The following ELF2 variants were observed in gnomAD, a reference collection of about 807,000 sequenced individuals.
The protein encoded by ELF2 is ETS-related transcription factor Elf-2.
ELF2 carries 11 observed loss-of-function variants against 54.8 expected under a neutral mutation model. That is an observed-to-expected ratio of 0.20 (90% confidence interval 0.13 to 0.33). ELF2 has a LOEUF of 0.33. Ranked by LOEUF, ELF2 falls within the 10% of genes least tolerant of loss-of-function variation. The pLI is 1.00. For missense variants in ELF2, 513 were observed against 703.0 expected (o/e 0.73, Z 3.06); for synonymous variants, 203 against 245.1 (o/e 0.83, Z 1.61).
chr4:139,145,614 T>C (rs1339366285), intron 1 of ELF2, among the ~76,000 whole-genome samples: 2 of 152,158 alleles, frequency 1.3e-5, no homozygotes, highest in East Asian at 3.8e-4. Context: ...CCAATATCCC[T>C]GATGAACATA....
intron 6 of ELF2, among the ~76,000 whole-genome samples, chr4:139,068,761 T>C (rs1479740555): frequency 1.3e-5 from 2 of 152,192 alleles, no homozygotes; most frequent in Non-Finnish European, 2.9e-5. Flanking sequence ...TTATATTCAA[T>C]CCTGAGCACA....
At chr4:139,090,078 T>C (rs1732414700) in intron 4 of ELF2, among the ~76,000 whole-genome samples, 1 of 152,212 alleles carries the variant, frequency 6.6e-6, no homozygotes, top group Admixed American at 6.5e-5. Flanking sequence ...TACAGTCATA[T>C]TCCATGCCTG....
At chr4:139,086,200 G>A (rs115915846) in intron 4 of ELF2, among the ~76,000 whole-genome samples, 275 of 125,872 alleles carry the variant, frequency 2.2e-3, no homozygotes, top group African/African-American at 7.8e-3. Flanking sequence ...AAGTGAATGA[G>A]AGAATAGGAA....
At chr4:139,166,664 C>G (rs199541162) in intron 1 of ELF2, among the ~76,000 whole-genome samples, 6 of 152,040 alleles carry the variant, frequency 3.9e-5, no homozygotes, top group African/African-American at 1.4e-4. Flanking sequence ...GTCAGGAGAT[C>G]GAGACCATCC....
At chr4:139,081,692 T>C (rs1331744025) in intron 4 of ELF2, among the ~76,000 whole-genome samples, 9 of 152,190 alleles carry the variant, frequency 5.9e-5, no homozygotes, top group Admixed American at 5.2e-4. Flanking sequence ...ACCAATGCTA[T>C]TGAAAATTGG....
chr4:139,151,081 AAAG>A (rs1739928824), intron 1 of ELF2, among the ~76,000 whole-genome samples: 9 of 146,988 alleles, frequency 6.1e-5, no homozygotes, highest in Admixed American at 4.0e-4. Context: ...AGAAAGAAAG[AAAG>A]AAAGAAAGAA....
At position 139,170,258 on chromosome 4, in the gene ELF2, CCTTT is replaced by C. The variant is rs1431113433; in HGVS notation, c.-252+6705_-252+6708del. Among the ~76,000 whole-genome samples, 194 of 130,910 alleles carry C rather than the reference CCTTT, an allele frequency of 1.5e-3. 1 individual carries two copies. The highest frequency in any genetic ancestry group is 5.5e-3 in the African/African-American group (188 of 33,940). 85.9% of individuals were successfully genotyped at this position (130,910 alleles called of 152,430 possible). ...ATTACACTTTAAAAGATCTTAATCG[CCTTT>C]TTTTTTTTTTTTTTTTTTTTGAGAC... On this transcript the variant is annotated intron_variant, in intron 1 of 9. Transcript: ENST00000686138.
At chr4:139,098,054 A>G (rs1253939245) in intron 4 of ELF2, among the ~76,000 whole-genome samples, 5 of 152,240 alleles carry the variant, frequency 3.3e-5, no homozygotes, top group Non-Finnish European at 7.3e-5. Flanking sequence ...ACATTCCTCT[A>G]TGGAACATGG....
chr4:139,071,225 C>T (rs1560767375), intron 6 of ELF2, among the ~76,000 whole-genome samples: 1 of 151,506 alleles, frequency 6.6e-6, no homozygotes, highest in Non-Finnish European at 1.5e-5. Flanking sequence ...GTAAAAATAG[C>T]ATGATATATA....
chr4:139,112,407 T>C (rs1011961504), intron 4 of ELF2, among the ~76,000 whole-genome samples: 1 of 152,220 alleles, frequency 6.6e-6, no homozygotes, highest in Non-Finnish European at 1.5e-5. Context: ...GAAAGCCTGG[T>C]GAGGGCAAAG....
chr4:139,140,044 C>T (rs1186236716), intron 1 of ELF2, among the ~76,000 whole-genome samples: 2 of 152,210 alleles, frequency 1.3e-5, no homozygotes, highest in Non-Finnish European at 2.9e-5. Flanking sequence ...ATCCTTCTGC[C>T]TCAACCTCCT....
chr4:139,077,343 A>G (rs1463037575), intron 4 of ELF2, among the ~76,000 whole-genome samples: 1 of 152,228 alleles, frequency 6.6e-6, no homozygotes, highest in African/African-American at 2.4e-5. Context: ...TAAATGGAAG[A>G]TATTTCAAAA....
At chr4:139,085,081 A>G (rs1213915185) in intron 4 of ELF2, among the ~76,000 whole-genome samples, 1 of 152,196 alleles carries the variant, frequency 6.6e-6, no homozygotes, top group Non-Finnish European at 1.5e-5. Context: ...ACAAATTTAT[A>G]TTGTCATTTA....
chr4:139,158,992 C>T (rs536182403), intron 1 of ELF2, among the ~76,000 whole-genome samples: 111 of 152,148 alleles, frequency 7.3e-4, no homozygotes, highest in Non-Finnish European at 1.3e-3. Context: ...GGTGATTTGA[C>T]TAATAAAGGC....
chr4:139,166,074 A>T (rs965247010), intron 1 of ELF2, among the ~76,000 whole-genome samples: 9 of 152,196 alleles, frequency 5.9e-5, no homozygotes, highest in African/African-American at 2.2e-4. Context: ...ATGGTGGCTC[A>T]CGCCTGTAAT....
chr4:139,160,064 G>A (rs183351887), intron 1 of ELF2, among the ~76,000 whole-genome samples: 249 of 152,326 alleles, frequency 1.6e-3, no homozygotes, highest in Non-Finnish European at 2.8e-3. Context: ...CAGGCCAGGC[G>A]CAGTGGCTCA....
intron 1 of ELF2, among the ~76,000 whole-genome samples, chr4:139,164,683 A>T (rs1361577031): frequency 6.6e-6 from 1 of 152,216 alleles, no homozygotes; most frequent in East Asian, 1.9e-4. Flanking sequence ...TGTTAGAACA[A>T]GCTTTTCTTG....
chr4:139,109,247 G>A (rs1734721226), intron 4 of ELF2, among the ~76,000 whole-genome samples: 1 of 152,126 alleles, frequency 6.6e-6, no homozygotes, highest in South Asian at 2.1e-4. Context: ...GGTCTGGCCA[G>A]TACTCCTAAC....
chr4:139,159,149 G>A (rs867566062), intron 1 of ELF2, among the ~76,000 whole-genome samples: 86 of 152,256 alleles, frequency 5.6e-4, no homozygotes, highest in African/African-American at 1.9e-3. Flanking sequence ...TAGACCAAGA[G>A]GCATGTGAGT....
Sources: gnomAD v4.1 joint callset for allele counts (sites outside exome capture counted in the v4.1 genomes callset) on GRCh38, gnomAD v4.1.1 for gene constraint, MANE v1.5 for transcripts, NCBI Gene and HGNC (gene_info 2026-07-23, HGNC 2026-07-21) for gene names.